The following KCNIP4 variants were observed in gnomAD, a reference collection of about 807,000 sequenced individuals.
KCNIP4 encodes the protein Kv channel-interacting protein 4.
Under a neutral mutation model 34.0 loss-of-function variants are expected in KCNIP4, and 12 were observed. That is an observed-to-expected ratio of 0.35 (90% CI 0.23 to 0.57). The LOEUF (loss-of-function observed/expected upper bound fraction) is 0.57. KCNIP4 is among the 20% of genes least tolerant of loss of function. The probability of loss-of-function intolerance (pLI) is 0.83; values close to 1 mark genes in which losing one functional copy is unlikely to be tolerated. For synonymous variants in KCNIP4, 124 were observed against 102.2 expected, an observed-to-expected ratio of 1.21 and a Z score of -1.29; for missense variants, 238 against 311.7, an observed-to-expected ratio of 0.76 and a Z score of 1.78.
At chr4:21,091,450 G>T (rs987446140) in intron 1 of KCNIP4, among the ~76,000 whole-genome samples, 4 of 152,138 alleles carry the variant, frequency 2.6e-5, no homozygotes, top group African/African-American at 9.7e-5. Context: ...CATACCTAAC[G>T]AATGAAAAGA....
chr4:21,937,671 C>A (rs1240747852), intron 1 of KCNIP4, among the ~76,000 whole-genome samples: 2 of 151,942 alleles, frequency 1.3e-5, no homozygotes, highest in African/African-American at 2.4e-5. Context: ...TTCAACCGAA[C>A]CTCCATCTCT....
chr4:21,611,933 A>C (rs1332111507), intron 1 of KCNIP4, among the ~76,000 whole-genome samples: 1 of 152,218 alleles, frequency 6.6e-6, no homozygotes, highest in African/African-American at 2.4e-5. Context: ...TCAGTAAGAT[A>C]AACTTAGAGA....
intron 1 of KCNIP4, among the ~76,000 whole-genome samples, chr4:20,887,325 A>G (rs555997936): frequency 2.6e-5 from 4 of 151,930 alleles, no homozygotes; most frequent in South Asian, 4.1e-4. Context: ...ATTTTGAAGC[A>G]ATAATGACCA....
intron 1 of KCNIP4, among the ~76,000 whole-genome samples, chr4:21,177,314 C>T (rs142865295): frequency 8.9e-4 from 136 of 152,096 alleles, no homozygotes; most frequent in African/African-American, 3.1e-3. Flanking sequence ...AGTTTTAATT[C>T]AATAAGAATA....
At chr4:21,321,126 A>G (rs909807796) in intron 1 of KCNIP4, among the ~76,000 whole-genome samples, 1 of 152,128 alleles carries the variant, frequency 6.6e-6, no homozygotes, top group Non-Finnish European at 1.5e-5. Flanking sequence ...TATTCTGCAT[A>G]CATTTGCAAA....
intron 3 of KCNIP4, among the ~76,000 whole-genome samples, chr4:20,773,735 G>T (rs1756119483): frequency 6.6e-6 from 1 of 152,172 alleles, no homozygotes; most frequent in African/African-American, 2.4e-5. Context: ...AACGGTGACA[G>T]CCTCATTCCT....
rs370314223 is a variant in KCNIP4, at chr4:20,938,858, C to A, written c.62-56149G>T. On this transcript the variant is annotated intron_variant, in intron 1 of 8. Coordinates refer to ENST00000382152, the MANE Select transcript of KCNIP4 (RefSeq NM_025221.6). ...CCTCTGAAGACTCCTGTCCTGAGAGCTATACTTCAACCTCTTTATCCTGAA... is the reference window on the plus strand; with the variant it reads ...CCTCTGAAGACTCCTGTCCTGAGAGATATACTTCAACCTCTTTATCCTGAA... Among the ~76,000 whole-genome samples, 174 of 152,318 alleles carry A rather than the reference C, an allele frequency of 1.1e-3. 1 individual carries two copies. The South Asian group carries it at 0.035, about 30-fold the overall frequency.
At chr4:21,344,231 A>T (rs972673678) in intron 1 of KCNIP4, among the ~76,000 whole-genome samples, 3 of 152,154 alleles carry the variant, frequency 2.0e-5, no homozygotes, top group Admixed American at 2.0e-4. Context: ...GAAGGACTTT[A>T]TTGGAATCCA....
At chr4:21,173,744 A>G (rs946532285) in intron 1 of KCNIP4, among the ~76,000 whole-genome samples, 2 of 152,176 alleles carry the variant, frequency 1.3e-5, no homozygotes, top group Non-Finnish European at 2.9e-5. Context: ...CCACCTGCTA[A>G]ATCACATCTC....
At chr4:21,315,959 G>A (rs1029438993) in intron 1 of KCNIP4, among the ~76,000 whole-genome samples, 10 of 152,242 alleles carry the variant, frequency 6.6e-5, no homozygotes, top group African/African-American at 2.2e-4. Context: ...TTTCCTGACC[G>A]ACTGTGTTCA....
At chr4:21,697,419 G>A (rs1262670898) in intron 1 of KCNIP4, 4 of 1,558,000 alleles carry the variant, frequency 2.6e-6, no homozygotes, top group Admixed American at 2.1e-5. Flanking sequence ...CGTTTACACC[G>A]CTTTCTACAG....
At chr4:21,027,958 C>T (rs1175642668) in intron 1 of KCNIP4, among the ~76,000 whole-genome samples, 3 of 152,118 alleles carry the variant, frequency 2.0e-5, no homozygotes, top group Non-Finnish European at 4.4e-5. Flanking sequence ...TTCAACATCG[C>T]CACTTCGATT....
intron 1 of KCNIP4, among the ~76,000 whole-genome samples, chr4:20,994,438 G>A (rs1737356980): frequency 6.6e-6 from 1 of 152,178 alleles, no homozygotes; most frequent in Admixed American, 6.5e-5. Flanking sequence ...GGAAAGGGCA[G>A]CTTTAATTAG....
intron 1 of KCNIP4, among the ~76,000 whole-genome samples, chr4:21,467,911 T>A (rs1472690428): frequency 6.6e-6 from 1 of 152,114 alleles, no homozygotes; most frequent in Non-Finnish European, 1.5e-5. Flanking sequence ...TTAGGAAATA[T>A]CCTGTTATCC....
rs573317943 is a variant in KCNIP4, at chr4:21,785,584, T to A, written c.61+162987A>T. On this transcript the variant is annotated intron_variant, in intron 1 of 8. Coordinates refer to ENST00000382152, the MANE Select transcript of KCNIP4 (RefSeq NM_025221.6). ...TCCAGCCTGGGTCAAAGAGTGAGAT[T>A]CCATCTCAATAAATAAATAAATAAA... 2.5e-4 allele frequency among the ~76,000 whole-genome samples: 29 copies of A among 117,914 alleles called. No homozygotes were observed. In the South Asian group the frequency reaches 4.3e-3, roughly 17 times the overall value. 77.4% of individuals were successfully genotyped at this position (117,914 alleles called of 152,430 possible).
At chr4:20,757,244 C>G (rs1171159834) in intron 4 of KCNIP4, among the ~76,000 whole-genome samples, 1 of 151,820 alleles carries the variant, frequency 6.6e-6, no homozygotes, top group Non-Finnish European at 1.5e-5. Flanking sequence ...TGTAATCTGT[C>G]CCCACTTCTC....
intron 3 of KCNIP4, among the ~76,000 whole-genome samples, chr4:20,818,142 C>T (rs1377976579): frequency 1.3e-5 from 2 of 152,134 alleles, no homozygotes; most frequent in Admixed American, 6.5e-5. Context: ...TCATGAGATA[C>T]CTTACCCACT....
At chr4:21,898,155 T>C (rs1055034001) in intron 1 of KCNIP4, among the ~76,000 whole-genome samples, 3 of 152,130 alleles carry the variant, frequency 2.0e-5, no homozygotes, top group Admixed American at 6.5e-5. Context: ...CTTGCCACCA[T>C]GAGCTAAAGT....
chr4:21,661,771 C>G (rs2108991098), intron 1 of KCNIP4, among the ~76,000 whole-genome samples: 1 of 152,234 alleles, frequency 6.6e-6, no homozygotes, highest in Non-Finnish European at 1.5e-5. Context: ...TTTATCCCTT[C>G]ACTTTTTAAC....
Sources: gnomAD v4.1 joint callset for allele counts (sites outside exome capture counted in the v4.1 genomes callset) on GRCh38, gnomAD v4.1.1 for gene constraint, MANE v1.5 for transcripts, NCBI Gene and HGNC (gene_info 2026-07-23, HGNC 2026-07-21) for gene names.